KNOP1: variants seen among roughly 807,000 people sequenced by gnomAD.
KNOP1 encodes lysine-rich nucleolar protein 1.
In KNOP1, 20 loss-of-function variants were observed where a neutral mutation model predicts 30.6. The ratio of observed to expected loss-of-function variants is 0.65; its 90% CI spans 0.46 to 0.95. The LOEUF is 0.95. Ranked by LOEUF, KNOP1 falls within the 40% of genes least tolerant of loss-of-function variation. KNOP1 has a pLI of 0.00. For missense variants in KNOP1, 540 were observed against 562.0 expected (o/e 0.96, Z 0.40); for synonymous variants, 204 against 210.0 (o/e 0.97, Z 0.25).
intron 3 of KNOP1, 87 bp downstream of exon 3, chr16:19,711,285 T>C: frequency 7.4e-7 from 1 of 1,359,692 alleles, no homozygotes. Flanking sequence ...GAGACCAGGA[T>C]CACCTAGCCA....
At chr16:19,707,596 C>A (rs1325166660) in intron 4 of KNOP1, among the ~76,000 whole-genome samples, 1 of 150,954 alleles carries the variant, frequency 6.6e-6, no homozygotes, top group African/African-American at 2.4e-5. Context: ...CCTCACTTCA[C>A]AACAGCGCAC....
Position 19,718,210 on chromosome 16 carries a change from G to C in KNOP1, c.-55C>G, listed in dbSNP as rs1977308262. Reference sequence around the variant, plus strand: ...GTGAGAGCCAGCTCCGCCGTGACCCGGAAGTCCACTTCGAGTCGCCGGCCC... The same window carrying C: ...GTGAGAGCCAGCTCCGCCGTGACCCCGAAGTCCACTTCGAGTCGCCGGCCC... On this transcript the variant is annotated 5_prime_UTR_variant, in exon 1 of 5. Coordinates refer to ENST00000219837, the MANE Select transcript of KNOP1 (RefSeq NM_001012991.3). 1 of 1,525,492 alleles carries C rather than the reference G, an allele frequency of 6.6e-7. No homozygotes were observed. The highest frequency in any genetic ancestry group is 1.2e-5 in the South Asian group (1 of 81,334). The allele number at this position is 1,525,492 out of a possible 1,614,324, so 94.5% of individuals were successfully genotyped here. A position where few individuals can be genotyped will look rare whatever the true frequency, so the allele number is the denominator to read the frequency against.
In KNOP1 at chr16:19,718,213, A is replaced by G; in HGVS notation, c.-58T>C. On this transcript the variant is annotated 5_prime_UTR_variant, in exon 1 of 5. Coordinates refer to ENST00000219837, the MANE Select transcript of KNOP1 (RefSeq NM_001012991.3). Reference sequence around the variant, plus strand: ...AGAGCCAGCTCCGCCGTGACCCGGAAGTCCACTTCGAGTCGCCGGCCCACC... The same window carrying G: ...AGAGCCAGCTCCGCCGTGACCCGGAGGTCCACTTCGAGTCGCCGGCCCACC... 1 of 1,528,252 alleles carries G rather than the reference A, an allele frequency of 6.5e-7. No homozygotes were observed. Among genetic ancestry groups the G allele is most frequent in the East Asian group, 2.5e-5 (1 of 40,740 alleles). The allele number at this position is 1,528,252 out of a possible 1,614,324, so 94.7% of individuals were successfully genotyped here. A position where few individuals can be genotyped will look rare whatever the true frequency, so the allele number is the denominator to read the frequency against.
chr16:19,712,749 ACT>A (rs1976785214), intron 2 of KNOP1, among the ~76,000 whole-genome samples: 1 of 152,226 alleles, frequency 6.6e-6, no homozygotes, highest in African/African-American at 2.4e-5. Flanking sequence ...AGGGCCGGAC[ACT>A]GTCTGGAGCA....
intron 2 of KNOP1, chr16:19,711,736 C>A: frequency 2.4e-6 from 1 of 422,104 alleles, no homozygotes; most frequent in Non-Finnish European, 4.4e-6. Flanking sequence ...TGATTCTAAC[C>A]CACATCTCCT....
At chr16:19,708,384 G>A (rs924277269) in intron 4 of KNOP1, among the ~76,000 whole-genome samples, 125 of 152,106 alleles carry the variant, frequency 8.2e-4, no homozygotes, top group Non-Finnish European at 3.5e-4. Context: ...ACTGTGACTC[G>A]GAAGTCAGGC....
rs781727900 is a variant in KNOP1 at position 19,714,410 on chromosome 16, T to A, written c.626A>T (p.Asn209Ile). The A allele has an allele frequency of 5.0e-6, 8 of 1,613,834 alleles. No homozygotes were observed. The highest frequency in any genetic ancestry group is 6.8e-6 in the Non-Finnish European group (8 of 1,179,950). ...KRKRKSPREH[N>I]GKVKKKKKIH... ...TTTTTTTTTCTTCTTCACCTTCCCA[T>A]TGTGTTCTCTGGGGCTCTTCCGCTT... Residue 209 changes from asparagine to isoleucine, a missense_variant, in exon 2 of 5, where the codon AAT becomes ATT. Asn to Ile is a moderately radical substitution (Grantham distance 149). Transcript: ENST00000219837.
chr16:19,714,997 T>C lies in KNOP1; in HGVS notation c.39A>G (p.Pro13=). The stretch of plus-strand genomic sequence containing the variant: ...CCACTTTCTTCTTCTTTTTCTTCTC[T>C]GGGAGCCCAAGGTCTACTTTGTGTG... The part of the protein sequence containing the change: ...TKTHKVDLGL[P]EKKKKKKVVK... The change falls in exon 2 of 5, where the codon CCA becomes CCG. Residue 13 remains proline, a synonymous_variant. Transcript: ENST00000219837. 1.3e-6 allele frequency: 2 copies of C among 1,587,066 alleles called. No individual in the cohort carries two copies. Among genetic ancestry groups the C allele is most frequent in the Non-Finnish European group, 8.5e-7 (1 of 1,171,164 alleles).
At chr16:19,711,517 G>T in intron 2 of KNOP1, 77 bp from the exon 3 acceptor site, 1 of 1,431,966 alleles carries the variant, frequency 7.0e-7, no homozygotes, top group South Asian at 1.1e-5. Flanking sequence ...GCCAGGGTGA[G>T]ACCATGACAA....
At chr16:19,709,503 C>T (rs1463481968) in intron 4 of KNOP1, among the ~76,000 whole-genome samples, 1 of 152,234 alleles carries the variant, frequency 6.6e-6, no homozygotes, top group Non-Finnish European at 1.5e-5. Context: ...AGTCAATGCC[C>T]TCCAGCCAAT....
At chr16:19,710,377 C>CTG in intron 4 of KNOP1, 132 bp downstream of exon 4, 1 of 866,144 alleles carries the variant, frequency 1.2e-6, no homozygotes, top group Non-Finnish European at 1.9e-6. Context: ...AGGGAGCCTG[C>CTG]TGCAGGCTAG....
At chr16:19,717,916 A>T (rs1023503087) in intron 1 of KNOP1, 2 of 1,109,748 alleles carry the variant, frequency 1.8e-6, no homozygotes, top group Non-Finnish European at 2.2e-6. Context: ...CAAGGCTCCC[A>T]TGGGCCCAAG....
chr16:19,707,180 G>A lies in KNOP1; in HGVS notation c.1107C>T (p.Asn369=), dbSNP rs770515113. Residue 369 remains asparagine, a synonymous_variant, in exon 5 of 5, where the codon AAC becomes AAT. Transcript: ENST00000219837. ...FGQWDTAGFE[N]EDQKLKFLRL... ...TGAGAAATTTCAGTTTTTGGTCCTC[G>A]TTCTCAAAACCAGCAGTATCCCACT... is the stretch of plus-strand genomic sequence containing the variant. The A allele has an allele frequency of 6.6e-5, 107 of 1,613,770 alleles. No individual in the cohort carries two copies. The highest frequency in any genetic ancestry group is 8.7e-5 in the Non-Finnish European group (103 of 1,179,988).
At chr16:19,717,298 C>A (rs1387838962) in intron 1 of KNOP1, 10 of 985,128 alleles carry the variant, frequency 1.0e-5, no homozygotes, top group Middle Eastern at 5.2e-4. Context: ...ATTGTATTGG[C>A]ATTTAAATAA....
chr16:19,713,056 C>T (rs993303467), intron 2 of KNOP1, among the ~76,000 whole-genome samples: 6 of 152,118 alleles, frequency 3.9e-5, no homozygotes, highest in Non-Finnish European at 5.9e-5. Context: ...GCATCTCAGA[C>T]GGTGTGGTTT....
rs1163966369 is a variant in KNOP1, at chr16:19,714,855, T to A, written c.181A>T (p.Met61Leu). 1 of 1,613,540 alleles carries A rather than the reference T, an allele frequency of 6.2e-7. No individual in the cohort carries two copies. ...KSVAHGQAPE[M>L]PLVKKKKKKK... ...TTCTTCTTTTTCTTCACTAGAGGCATCTCAGGTGCCTGCCCATGGGCCACA... is the reference window on the plus strand; with the variant it reads ...TTCTTCTTTTTCTTCACTAGAGGCAACTCAGGTGCCTGCCCATGGGCCACA... Residue 61 changes from methionine to leucine, a missense_variant, in exon 2 of 5, where the codon ATG becomes TTG. Transcript: ENST00000219837.
rs748730354 is a variant in KNOP1 at position 19,714,661 on chromosome 16, A to G, written c.375T>C (p.His125=). ...KNKKSPLAMS[H]ASGVKTSPDP... is the part of the protein sequence containing the mutation. ...CTGGGGAGGTTTTCACCCCAGAGGC[A>G]TGGGACATGGCTAGAGGTGACTTCT... Residue 125 remains histidine, a synonymous_variant, in exon 2 of 5, where the codon CAT becomes CAC. Coordinates refer to ENST00000219837, the MANE Select transcript of KNOP1 (RefSeq NM_001012991.3). 29 of 1,613,876 alleles carry G rather than the reference A, an allele frequency of 1.8e-5. No homozygotes were observed. Among genetic ancestry groups the G allele is most frequent in the Non-Finnish European group, 2.3e-5 (27 of 1,180,000 alleles).
intron 1 of KNOP1, among the ~76,000 whole-genome samples, chr16:19,717,174 G>A (rs574322240): frequency 6.6e-6 from 1 of 152,290 alleles, no homozygotes; most frequent in East Asian, 1.9e-4. Context: ...CTTTCTCATA[G>A]ATAGTATACA....
Position 19,714,341 on chromosome 16 carries a change from G to A in KNOP1, c.695C>T (p.Ser232Phe). Residue 232 changes from serine to phenylalanine, a missense_variant, in exon 2 of 5, where the codon TCC (serine) becomes TTC (phenylalanine). Physicochemically the swap from Ser to Phe is radical, Grantham distance 155. Coordinates refer to ENST00000219837, the MANE Select transcript of KNOP1 (RefSeq NM_001012991.3). ...GDALPGHSKP[S>F]RSMESSPRKG... ...CCTAGGGCTGCTCTCCATGGACCTG[G>A]AGGGCTTGGAGTGGCCTGGGAGGGC... 1 of 1,613,944 alleles carries A rather than the reference G, an allele frequency of 6.2e-7. No individual in the cohort carries two copies. Among genetic ancestry groups the A allele is most frequent in the South Asian group, 1.1e-5 (1 of 91,054 alleles).
Sources: allele counts gnomAD v4.1 joint callset (sites outside exome capture counted in the v4.1 genomes callset), GRCh38; gene constraint gnomAD v4.1.1; transcripts MANE v1.5; gene names NCBI Gene and HGNC (gene_info 2026-07-23, HGNC 2026-07-21).